FGF14: variants seen among roughly 807,000 people sequenced by gnomAD.
FGF14 encodes the protein fibroblast growth factor homologous factor 4.
In FGF14, 5 loss-of-function variants were observed where a neutral mutation model predicts 25.5. The ratio of observed to expected loss-of-function variants is 0.20; its 90% CI spans 0.10 to 0.41. The LOEUF (loss-of-function observed/expected upper bound fraction) is 0.41, where lower values mean the gene tolerates loss of function less well. Ranked by LOEUF, FGF14 falls within the 10% of genes least tolerant of loss-of-function variation. The pLI is 1.00. For synonymous variants in FGF14, 138 were observed against 118.3 expected (o/e 1.17, Z -1.08); for missense variants, 222 against 320.1 (o/e 0.69, Z 2.34).
chr13:101,969,108 G>C (rs910676718), intron 1 of FGF14, among the ~76,000 whole-genome samples: 5 of 152,158 alleles, frequency 3.3e-5, no homozygotes, highest in Non-Finnish European at 7.3e-5. Context: ...TCCATGCCTT[G>C]GAGTCATGCT....
intron 3 of FGF14, chr13:101,778,948 T>TG (rs998404719): frequency 6.6e-6 from 1 of 152,014 alleles, no homozygotes; most frequent in African/African-American, 2.4e-5. Flanking sequence ...TTCCCACATT[T>TG]GGGGAAATCA....
chr13:102,098,719 C>T (rs955162198), intron 1 of FGF14, among the ~76,000 whole-genome samples: 4 of 152,166 alleles, frequency 2.6e-5, no homozygotes, highest in African/African-American at 9.7e-5. Flanking sequence ...TGTGCCCCTA[C>T]TCCTTCATTT....
intron 1 of FGF14, among the ~76,000 whole-genome samples, chr13:101,959,948 C>G (rs149499703): frequency 6.6e-6 from 1 of 152,258 alleles, no homozygotes; most frequent in African/African-American, 2.4e-5. Context: ...AAGTTGAAAA[C>G]TTTGAGAGGT....
intron 1 of FGF14, among the ~76,000 whole-genome samples, chr13:101,964,430 G>T (rs2037057413): frequency 6.6e-6 from 1 of 152,168 alleles, no homozygotes; most frequent in Non-Finnish European, 1.5e-5. Context: ...TCTGGGAGCT[G>T]GGTCTATCCA....
chr13:101,746,816 AC>A (rs1331260664), intron 3 of FGF14, among the ~76,000 whole-genome samples: 1 of 151,964 alleles, frequency 6.6e-6, no homozygotes, highest in African/African-American at 2.4e-5. Flanking sequence ...CACATGGGAA[AC>A]CCCTTAAAAT....
intron 1 of FGF14, among the ~76,000 whole-genome samples, chr13:102,143,233 G>A (rs1161135085): frequency 6.6e-6 from 1 of 152,074 alleles, no homozygotes; most frequent in Non-Finnish European, 1.5e-5. Flanking sequence ...CAAATGCTTT[G>A]TCCTCTAGAA....
intron 1 of FGF14, among the ~76,000 whole-genome samples, chr13:101,985,128 T>C (rs1349297980): frequency 6.6e-6 from 1 of 151,400 alleles, no homozygotes; most frequent in East Asian, 1.9e-4. Flanking sequence ...TCTCAGAAAT[T>C]AGTTTCAGAA....
intron 1 of FGF14, among the ~76,000 whole-genome samples, chr13:101,910,044 G>A (rs2032733723): frequency 6.6e-6 from 1 of 151,360 alleles, no homozygotes; most frequent in African/African-American, 2.4e-5. Flanking sequence ...ATTGAACAAG[G>A]AGAACACATG....
Position 102,314,246 on chromosome 13 carries a change from A to G in FGF14, c.208+87225T>C, listed in dbSNP as rs554658733. ...ATCATCTTACAAATTGAAGTCATCA[A>G]TAAAGTGTATTCACTTGTGTATCAT... is the stretch of plus-strand genomic sequence containing the variant. On this transcript the variant is annotated intron_variant, in intron 1 of 4. Transcript: ENST00000376131. 3.3e-4 allele frequency among the ~76,000 whole-genome samples: 51 copies of G among 152,338 alleles called. 1 individual carries two copies. In the South Asian group the frequency reaches 0.01, roughly 30 times the overall value.
In FGF14 at chr13:101,784,374, TG is replaced by T. The variant is rs148243574; in HGVS notation, c.409-57565del. Among the ~76,000 whole-genome samples, 561 of 152,286 alleles carry T rather than the reference TG, an allele frequency of 3.7e-3. 3 individuals are homozygous for T. The highest frequency in any genetic ancestry group is 0.012 in the African/African-American group (512 of 41,558). ...AAAATTTTCTACATTCTGATCATTT[TG>T]GGGAATATAGTTTCTTCTTCTCTCA... On this transcript the variant is annotated intron_variant, in intron 3 of 4. Coordinates refer to ENST00000376143, the MANE Select transcript of FGF14 (RefSeq NM_004115.4).
chr13:101,866,806 C>T (rs2044731862), intron 3 of FGF14, among the ~76,000 whole-genome samples: 1 of 152,072 alleles, frequency 6.6e-6, no homozygotes, highest in Admixed American at 6.6e-5. Context: ...TTATCCAAGT[C>T]CTCTTTCCAA....
intron 1 of FGF14, among the ~76,000 whole-genome samples, chr13:102,005,949 G>A (rs1008786532): frequency 2.0e-5 from 3 of 152,156 alleles, no homozygotes; most frequent in Non-Finnish European, 4.4e-5. Context: ...TATGTAGGGT[G>A]TTTGTATTGT....
At chr13:102,038,927 G>A (rs991217719) in intron 1 of FGF14, among the ~76,000 whole-genome samples, 1 of 152,216 alleles carries the variant, frequency 6.6e-6, no homozygotes, top group South Asian at 2.1e-4. Flanking sequence ...ATGCTCCCAT[G>A]AGTGATCCCA....
chr13:101,743,937 T>G (rs1334367052), intron 3 of FGF14, among the ~76,000 whole-genome samples: 1 of 152,122 alleles, frequency 6.6e-6, no homozygotes, highest in Non-Finnish European at 1.5e-5. Flanking sequence ...ACAAATATAC[T>G]GCACATGTTT....
At chr13:101,945,514 G>C (rs2035745603) in intron 1 of FGF14, among the ~76,000 whole-genome samples, 1 of 152,244 alleles carries the variant, frequency 6.6e-6, no homozygotes, top group South Asian at 2.1e-4. Context: ...CCTCTATCTT[G>C]GCAGGGATGC....
chr13:102,357,090 T>C (rs1283488873), intron 1 of FGF14, among the ~76,000 whole-genome samples: 1 of 150,326 alleles, frequency 6.7e-6, no homozygotes, highest in Non-Finnish European at 1.5e-5. Flanking sequence ...ATCTGAGCTG[T>C]TTAATTCTAA....
At chr13:101,780,715 T>G (rs561022726) in intron 3 of FGF14, among the ~76,000 whole-genome samples, 17 of 152,118 alleles carry the variant, frequency 1.1e-4, no homozygotes, top group Non-Finnish European at 2.2e-4. Flanking sequence ...TCCCACTCCC[T>G]TCAAACTTTG....
Position 102,326,092 on chromosome 13 carries a change from A to G in FGF14, c.208+75379T>C, listed in dbSNP as rs2056415177. On this transcript the variant is annotated intron_variant, in intron 1 of 4. Coordinates refer to the FGF14 transcript ENST00000376131. ...AAATGTGAGATGAATTCAGATCACT[A>G]TGAGTATTGTTCAATTCAAATTTTA... 2.0e-5 allele frequency among the ~76,000 whole-genome samples: 3 copies of G among 152,238 alleles called. No individual in the cohort carries two copies. The South Asian group carries it at 6.2e-4, about 31-fold the overall frequency.
At chr13:101,916,211 G>A (rs1393996476) in intron 1 of FGF14, among the ~76,000 whole-genome samples, 1 of 152,256 alleles carries the variant, frequency 6.6e-6, no homozygotes, top group East Asian at 1.9e-4. Flanking sequence ...GGGACGCGGA[G>A]GGCAGGAGCC....
Sources: gnomAD v4.1 joint callset for allele counts (sites outside exome capture counted in the v4.1 genomes callset) on GRCh38, gnomAD v4.1.1 for gene constraint, MANE v1.5 for transcripts, NCBI Gene and HGNC (gene_info 2026-07-23, HGNC 2026-07-21) for gene names.